Variants in RTTN observed in about 807,000 individuals in gnomAD.
RTTN encodes the protein rotatin.
Under a neutral mutation model 269.2 loss-of-function variants are expected in RTTN, and 182 were observed. That is an observed-to-expected ratio of 0.68 (90% CI 0.60 to 0.76). The LOEUF (loss-of-function observed/expected upper bound fraction) is 0.76, where lower values mean the gene tolerates loss of function less well. Ranked by LOEUF, RTTN falls within the 30% of genes least tolerant of loss-of-function variation. The pLI is 0.00. For synonymous variants in RTTN, 1,006 were observed against 963.5 expected, an observed-to-expected ratio of 1.04 and a Z score of -0.82; for missense variants, 2,545 against 2,608.6, an observed-to-expected ratio of 0.98 and a Z score of 0.53.
intron 46 of RTTN, chr18:70,007,622 G>A (rs2056234607): frequency 6.6e-6 from 1 of 152,226 alleles, no homozygotes; most frequent in Non-Finnish European, 1.5e-5. Flanking sequence ...TCCCTTCACA[G>A]TGCAAACGAA....
At chr18:70,162,527 GGA>G (rs915781027) in intron 14 of RTTN, among the ~76,000 whole-genome samples, 3 of 152,172 alleles carry the variant, frequency 2.0e-5, no homozygotes, top group African/African-American at 7.2e-5. Flanking sequence ...CAGGGCGGCA[GGA>G]GAGAGACAGA....
chr18:70,082,058 A>T (rs751977015), intron 32 of RTTN, among the ~76,000 whole-genome samples: 10 of 152,132 alleles, frequency 6.6e-5, no homozygotes, highest in Non-Finnish European at 1.2e-4. Flanking sequence ...TTTCCTATAA[A>T]TCTAAGTTTT....
chr18:70,127,502 C>G lies in RTTN; in HGVS notation c.3383G>C (p.Arg1128Thr), dbSNP rs2059894894. Reference protein sequence around the residue: ...KSLAWHTALNRFLQVLPACTE... With the variant: ...KSLAWHTALNTFLQVLPACTE... ...CTGGCAGCCTTGACCTTACACTGACCTGTTTAGTGCGGTGTGCCAAGCCAA... is the reference window on the plus strand; with the variant it reads ...CTGGCAGCCTTGACCTTACACTGACGTGTTTAGTGCGGTGTGCCAAGCCAA... The change falls in exon 25 of 49, where the codon AGG (arginine) becomes ACG (threonine). Residue 1128 changes from arginine (R) to threonine (T), a missense_variant and splice_region_variant. By Grantham distance (71) the Arg-to-Thr change is moderately conservative. Transcript: ENST00000640769. 1 of 1,612,980 alleles carries G rather than the reference C, an allele frequency of 6.2e-7. No individual in the cohort carries two copies. The highest frequency in any genetic ancestry group is 1.3e-5 in the African/African-American group (1 of 74,856).
chr18:70,004,145 T>C lies in RTTN; in HGVS notation c.*6A>G. The C allele has an allele frequency of 4.4e-6, 7 of 1,607,646 alleles. No individual in the cohort carries two copies. The highest frequency in any genetic ancestry group is 5.1e-6 in the Non-Finnish European group (6 of 1,174,268). On this transcript the variant is annotated 3_prime_UTR_variant, in exon 49 of 49. Coordinates refer to ENST00000640769, the MANE Select transcript of RTTN (RefSeq NM_173630.4). ...GTCAGCTTCAAGGTGTAGCATCCCA[T>C]GGCACTCAGGAAGAATTAAGGAGCT...
chr18:70,095,989 T>C (rs2058992220), intron 28 of RTTN, among the ~76,000 whole-genome samples: 1 of 151,474 alleles, frequency 6.6e-6, no homozygotes, highest in African/African-American at 2.4e-5. Flanking sequence ...GCTTTGCTCA[T>C]TCCCTTTTGT....
At position 70,203,462 on chromosome 18, in the gene RTTN, G is replaced by A. The variant is rs534426250; in HGVS notation, c.397+624C>T. Among the ~76,000 whole-genome samples the A allele has an allele frequency of 3.9e-4, 59 of 152,214 alleles. No homozygotes were observed. In the South Asian group the frequency reaches 0.012, roughly 30 times the overall value. Reference sequence around the variant, plus strand: ...ACCTGCCTCGGCTTCCCAAAGTGCCGGGATTACAGGCGTGAGCCACCATGC... The same window carrying A: ...ACCTGCCTCGGCTTCCCAAAGTGCCAGGATTACAGGCGTGAGCCACCATGC... On this transcript the variant is annotated intron_variant, in intron 3 of 48. Transcript: ENST00000640769.
chr18:70,085,443 T>C (rs889829790), intron 32 of RTTN, among the ~76,000 whole-genome samples: 2 of 152,176 alleles, frequency 1.3e-5, no homozygotes, highest in Non-Finnish European at 2.9e-5. Context: ...GTGCGGAAAC[T>C]TGCCCTTGCT....
At position 70,006,357 on chromosome 18, in the gene RTTN, G is replaced by A. The variant is rs1454364529; in HGVS notation, c.6525+24C>T. On this transcript the variant is annotated intron_variant, in intron 47 of 48. Coordinates refer to ENST00000640769, the MANE Select transcript of RTTN (RefSeq NM_173630.4). Reference sequence around the variant, plus strand: ...ATACCTTGTTGTTTGCTCCCCAGGTGTAACAATGATTTTTAAAACTGACCT... The same window carrying A: ...ATACCTTGTTGTTTGCTCCCCAGGTATAACAATGATTTTTAAAACTGACCT... The A allele has an allele frequency of 3.2e-6, 5 of 1,551,178 alleles. No individual in the cohort carries two copies. The South Asian group carries it at 3.3e-5, about 10-fold the overall frequency.
intron 11 of RTTN, among the ~76,000 whole-genome samples, chr18:70,171,764 C>G (rs1297936435): frequency 3.3e-5 from 5 of 152,202 alleles, no homozygotes. Context: ...ACTAGCCACT[C>G]AGCAGCCATG....
At chr18:70,067,996 G>C (rs1056351040) in intron 34 of RTTN, among the ~76,000 whole-genome samples, 1 of 152,178 alleles carries the variant, frequency 6.6e-6, no homozygotes, top group African/African-American at 2.4e-5. Context: ...GAAACACAAT[G>C]ATTGCTTTAT....
At chr18:70,192,960 T>TA (rs991359890) in intron 8 of RTTN, 2 of 196,448 alleles carry the variant, frequency 1.0e-5, no homozygotes, top group African/African-American at 4.6e-5. Context: ...ACTGAAAATA[T>TA]AGTTCAGTGT....
At chr18:70,053,776 A>G (rs910872546) in intron 38 of RTTN, among the ~76,000 whole-genome samples, 7 of 152,358 alleles carry the variant, frequency 4.6e-5, no homozygotes, top group African/African-American at 1.7e-4. Flanking sequence ...AATTTGTGAT[A>G]TATTCTAGAT....
intron 3 of RTTN, among the ~76,000 whole-genome samples, chr18:70,202,798 T>C (rs2061985157): frequency 6.6e-6 from 1 of 152,212 alleles, no homozygotes; most frequent in Non-Finnish European, 1.5e-5. Context: ...GTCAAAAGGC[T>C]GCTTTAAGAT....
rs775291557 is a variant in RTTN at position 70,003,199 on chromosome 18, T to G, written c.*952A>C. 2 of 151,864 alleles carry G rather than the reference T, an allele frequency of 1.3e-5. No homozygotes were observed. Among genetic ancestry groups the G allele is most frequent in the Non-Finnish European group, 2.9e-5 (2 of 67,994 alleles). 9.4% of individuals were successfully genotyped at this position (151,864 alleles called of 1,614,324 possible). On this transcript the variant is annotated 3_prime_UTR_variant, in exon 49 of 49. Transcript: ENST00000640769. ...GATTATAGACGCTCAAGACCAGGAA[T>G]GGCTAATTTTTGTATTTTTAGGAGA...
intron 10 of RTTN, among the ~76,000 whole-genome samples, chr18:70,183,149 A>T (rs894642250): frequency 1.3e-5 from 2 of 152,236 alleles, no homozygotes; most frequent in African/African-American, 4.8e-5. Context: ...AAGGAAAATA[A>T]GCAATGAGAG....
chr18:70,048,129 A>G lies in RTTN; in HGVS notation c.5383T>C (p.Leu1795=). The change falls in exon 40 of 49, where the codon TTG becomes CTG. Residue 1795 remains leucine, a synonymous_variant. Transcript: ENST00000640769. The stretch of plus-strand genomic sequence containing the variant: ...GTCAAGAGAACAGAAAGGAATTGCA[A>G]GCTGGCAGTATACAGGGCAGGACAC... ...ATCPALYTAS[L]QFLSVLLTEE... is the part of the protein sequence containing the mutation. The G allele has an allele frequency of 6.2e-7, 1 of 1,614,166 alleles. No homozygotes were observed. The highest frequency in any genetic ancestry group is 2.2e-5 in the East Asian group (1 of 44,876).
intron 36 of RTTN, 64 bp from the exon 37 acceptor site, chr18:70,057,896 A>G: frequency 8.4e-7 from 1 of 1,192,408 alleles, no homozygotes; most frequent in Non-Finnish European, 1.2e-6. Context: ...AAGATTAAGA[A>G]ATCAGAATTT....
At chr18:70,006,169 A>G in intron 47 of RTTN, 1 of 449,658 alleles carries the variant, frequency 2.2e-6, no homozygotes, top group Non-Finnish European at 4.0e-6. Flanking sequence ...ATTCTCTTCT[A>G]AACTGAGACA....
chr18:70,004,585 C>T (rs1043266878), intron 48 of RTTN, among the ~76,000 whole-genome samples: 5 of 151,088 alleles, frequency 3.3e-5, no homozygotes, highest in Non-Finnish European at 7.4e-5. Context: ...AATTCATGGT[C>T]GCAGCTAAAA....
Sources: gnomAD v4.1 joint callset for allele counts (sites outside exome capture counted in the v4.1 genomes callset) on GRCh38, gnomAD v4.1.1 for gene constraint, MANE v1.5 for transcripts, NCBI Gene and HGNC (gene_info 2026-07-23, HGNC 2026-07-21) for gene names.